The following TEX11 variants were observed in gnomAD, a reference collection of about 807,000 sequenced individuals.
TEX11 encodes testis expressed 11, also known as testis-expressed protein 11.
In TEX11, 7 loss-of-function variants were observed where a neutral mutation model predicts 84.4. That is an observed-to-expected ratio of 0.08 (90% confidence interval 0.05 to 0.16). The LOEUF is 0.16. Among genes scored for constraint, TEX11 ranks in the 10% least tolerant of loss-of-function variants. The pLI is 1.00. For missense variants in TEX11, 551 were observed against 660.5 expected, an observed-to-expected ratio of 0.83 and a Z score of 1.82; for synonymous variants, 264 against 222.8, an observed-to-expected ratio of 1.18 and a Z score of -1.64.
intron 11 of TEX11, 98 bp from the exon 12 acceptor site, chrX:70,725,441 C>A: frequency 4.1e-6 from 2 of 488,844 alleles, no homozygotes; most frequent in Non-Finnish European, 3.3e-6. Context: ...CTTGGGATAA[C>A]TCATAATCAA....
chrX:70,822,085 A>G (rs779754922), intron 8 of TEX11, among the ~76,000 whole-genome samples: 1 of 111,450 alleles, frequency 9.0e-6, no homozygotes, highest in Admixed American at 9.6e-5. Context: ...TATCTAATAC[A>G]ATGAATATGC....
chrX:70,748,083 G>T (rs1388925486), intron 9 of TEX11, among the ~76,000 whole-genome samples: 1 of 110,656 alleles, frequency 9.0e-6, no homozygotes, highest in East Asian at 2.8e-4. Flanking sequence ...CATGGGCTCA[G>T]AAAAATGTAA....
At chrX:70,858,501 T>A (rs1308980240) in intron 5 of TEX11, among the ~76,000 whole-genome samples, 1 of 107,673 alleles carries the variant, frequency 9.3e-6, no homozygotes, top group Non-Finnish European at 1.9e-5. Flanking sequence ...TGTACCCCAA[T>A]AATTTATGGA....
intron 9 of TEX11, among the ~76,000 whole-genome samples, chrX:70,793,018 G>A (rs1247790384): frequency 9.0e-6 from 1 of 111,382 alleles, no homozygotes; most frequent in African/African-American, 3.3e-5. Context: ...CTTTATTCCT[G>A]GGATACAAGA....
At chrX:70,714,755 G>T (rs1168971002) in intron 13 of TEX11, among the ~76,000 whole-genome samples, 2 of 111,570 alleles carry the variant, frequency 1.8e-5, no homozygotes, top group African/African-American at 3.3e-5. Flanking sequence ...CAATTTGCCA[G>T]TCTGTGTCTT....
At chrX:70,713,580 G>T (rs145268737) in intron 13 of TEX11, among the ~76,000 whole-genome samples, 7,718 of 111,818 alleles carry the variant, frequency 0.069, 564 homozygotes, top group African/African-American at 0.21. Context: ...TGTTTGTGTA[G>T]AGGTGTTTGT....
intron 28 of TEX11, among the ~76,000 whole-genome samples, chrX:70,538,719 T>A (rs1489100398): frequency 9.0e-6 from 1 of 110,966 alleles, no homozygotes; most frequent in Non-Finnish European, 1.9e-5. Flanking sequence ...GCTTTGCCAT[T>A]ATATAGTGGT....
chrX:70,515,852 T>C, the TEX11 span, among the ~76,000 whole-genome samples: 1 of 112,674 alleles, frequency 8.9e-6, no homozygotes, highest in African/African-American at 3.2e-5. Flanking sequence ...GGTTTTCATT[T>C]GCATTTCTTT....
At chrX:70,766,571 G>T (rs2049353713) in intron 9 of TEX11, among the ~76,000 whole-genome samples, 1 of 110,902 alleles carries the variant, frequency 9.0e-6, no homozygotes, top group Non-Finnish European at 1.9e-5. Context: ...CTACAGATTT[G>T]CTGCAATCCC....
At chrX:70,564,384 AT>A (rs2088423127) in intron 25 of TEX11, among the ~76,000 whole-genome samples, 1 of 111,177 alleles carries the variant, frequency 9.0e-6, no homozygotes, top group African/African-American at 3.3e-5. Flanking sequence ...TGAGATTGAT[AT>A]TATTTCTTTC....
intron 7 of TEX11, among the ~76,000 whole-genome samples, chrX:70,839,985 G>C (rs1388248426): frequency 1.8e-5 from 2 of 111,775 alleles, no homozygotes; most frequent in East Asian, 5.6e-4. Context: ...CTATTGAAAA[G>C]ACCAAATCTA....
At chrX:70,721,575 T>A (rs775758462) in intron 13 of TEX11, among the ~76,000 whole-genome samples, 130 of 112,087 alleles carry the variant, frequency 1.2e-3, no homozygotes, top group African/African-American at 4.0e-3. Context: ...TGGAGATTAA[T>A]CTATGCTGCC....
chrX:70,662,409 G>A (rs1331631847), intron 16 of TEX11, among the ~76,000 whole-genome samples: 1 of 111,865 alleles, frequency 8.9e-6, no homozygotes, highest in Admixed American at 9.5e-5. Context: ...TGAAAGTGAC[G>A]GGGAGAATGC....
Position 70,725,338 on chromosome X carries a change from A to G in TEX11, c.849T>C (p.His283=), listed in dbSNP as rs2090591575. The change falls in exon 12 of 30, where the codon CAT becomes CAC. Residue 283 remains histidine (H), a synonymous_variant. Transcript: ENST00000374333. ...TTAAGAAAAGCCCAGGAGAACTTAA[A>G]TGTTCCTATTTTAAACAAAGAAATC... The part of the protein sequence containing the change: ...LNAVNLANKE[H]LSSPGLFLKM... 6.9e-6 allele frequency: 8 copies of G among 1,166,126 alleles called. No homozygotes were observed. Among genetic ancestry groups the G allele is most frequent in the Admixed American group, 2.3e-5 (1 of 44,121 alleles).
intron 28 of TEX11, among the ~76,000 whole-genome samples, chrX:70,539,038 A>ATATATATATTTT: frequency 2.6e-3 from 106 of 41,236 alleles, no homozygotes; most frequent in South Asian, 5.1e-3. Flanking sequence ...ATATATATAT[A>ATATATATATTTT]TTTTTTTTTT....
In TEX11 at chrX:70,851,584, C is replaced by G. The variant is rs138826696; in HGVS notation, c.525+1450G>C. ...TATGGAAAACATTCTGGCAGTTTCT[C>G]AAAAGGTTAAACACAGACTTAGAGT... On this transcript the variant is annotated intron_variant, in intron 7 of 29. Coordinates refer to ENST00000374333, the MANE Select transcript of TEX11 (RefSeq NM_031276.3). 3.6e-3 allele frequency among the ~76,000 whole-genome samples: 401 copies of G among 110,010 alleles called. 2 individuals are homozygous for G. Among genetic ancestry groups the G allele is most frequent in the African/African-American group, 9.5e-3 (286 of 30,214 alleles).
intron 28 of TEX11, among the ~76,000 whole-genome samples, chrX:70,549,575 C>T (rs954627015): frequency 9.0e-6 from 1 of 111,132 alleles, no homozygotes; most frequent in African/African-American, 3.3e-5. Context: ...GCAGCATTCA[C>T]CACAAGCTGA....
intron 3 of TEX11, among the ~76,000 whole-genome samples, chrX:70,876,093 G>A (rs1342770544): frequency 8.9e-6 from 1 of 112,520 alleles, no homozygotes; most frequent in Non-Finnish European, 1.9e-5. Context: ...TAGAATGTAA[G>A]TGGCTGTTAC....
At chrX:70,788,961 TATATATATATATAGAGAGAGAG>T (rs1194820099) in intron 9 of TEX11, among the ~76,000 whole-genome samples, 68 of 44,526 alleles carry the variant, frequency 1.5e-3, no homozygotes, top group Admixed American at 2.6e-3. Flanking sequence ...TATATATATA[TATATATATATATAGAGAGAGAG>T]AGAGAGAGAG....
Sources: gnomAD v4.1 joint callset for allele counts (sites outside exome capture counted in the v4.1 genomes callset) on GRCh38, gnomAD v4.1.1 for gene constraint, MANE v1.5 for transcripts, NCBI Gene and HGNC (gene_info 2026-07-23, HGNC 2026-07-21) for gene names.